The following DIP2C variants were observed in gnomAD, a reference collection of about 807,000 sequenced individuals.
The protein encoded by DIP2C is disco-interacting protein 2 homolog C.
A neutral mutation model predicts 192.4 loss-of-function variants in DIP2C; 33 were observed. That is an observed-to-expected ratio of 0.17 (90% confidence interval 0.13 to 0.23). The LOEUF is 0.23. Among genes scored for constraint, DIP2C ranks in the 10% least tolerant of loss-of-function variants. The pLI, the probability that DIP2C is intolerant of heterozygous loss-of-function variation, is 1.00. For missense variants in DIP2C, 1,537 were observed against 2,110.1 expected, an observed-to-expected ratio of 0.73 and a Z score of 5.32; for synonymous variants, 979 against 864.1, an observed-to-expected ratio of 1.13 and a Z score of -2.33.
At chr10:412,283 A>C (rs980133653) in intron 8 of DIP2C, among the ~76,000 whole-genome samples, 4 of 152,210 alleles carry the variant, frequency 2.6e-5, no homozygotes, top group African/African-American at 9.6e-5. Context: ...AACGTCTATT[A>C]GTTCTCAGAG....
At chr10:525,596 A>T (rs769555170) in intron 1 of DIP2C, among the ~76,000 whole-genome samples, 23 of 152,210 alleles carry the variant, frequency 1.5e-4, no homozygotes, top group Non-Finnish European at 3.2e-4. Context: ...AAGACTTCAG[A>T]ATTTTCCTCA....
intron 31 of DIP2C, among the ~76,000 whole-genome samples, chr10:323,317 C>T (rs78320112): frequency 2.9e-4 from 17 of 59,282 alleles, no homozygotes; most frequent in Admixed American, 6.7e-4. Context: ...GAGAGACCGG[C>T]GCTGTTAGAA....
At chr10:335,850 T>A (rs1191239003) in intron 29 of DIP2C, among the ~76,000 whole-genome samples, 3 of 152,222 alleles carry the variant, frequency 2.0e-5, no homozygotes, top group Non-Finnish European at 4.4e-5. Context: ...TTCATCTGTG[T>A]ATCTGAATAG....
chr10:599,444 T>TA (rs1376739234), intron 1 of DIP2C, among the ~76,000 whole-genome samples: 17 of 152,212 alleles, frequency 1.1e-4, no homozygotes, highest in Non-Finnish European at 1.9e-4. Context: ...ACTGAACCCT[T>TA]ACTAGACCAA....
chr10:463,765 A>C (rs916529984), intron 3 of DIP2C, among the ~76,000 whole-genome samples: 3 of 152,208 alleles, frequency 2.0e-5, no homozygotes, highest in African/African-American at 7.2e-5. Context: ...ACAGTAACCA[A>C]AACAGCATGG....
In DIP2C at chr10:370,129, G is replaced by A. The variant is rs185094992; in HGVS notation, c.1992-496C>T. ...CAATTCAGATGCAGACTGCCTGGGC[G>A]TATGCCCAATTTTATAAGAATCTAA... is the stretch of plus-strand genomic sequence containing the variant. On this transcript the variant is annotated intron_variant, in intron 17 of 36. Coordinates refer to ENST00000280886, the MANE Select transcript of DIP2C (RefSeq NM_014974.3). The A allele has an allele frequency of 3.4e-4, 270 of 787,062 alleles. No homozygotes were observed. The African/African-American group carries it at 4.4e-3, about 13-fold the overall frequency. 48.8% of individuals were successfully genotyped at this position (787,062 alleles called of 1,614,324 possible).
intron 1 of DIP2C, among the ~76,000 whole-genome samples, chr10:589,849 G>A (rs1308595052): frequency 6.6e-6 from 1 of 152,156 alleles, no homozygotes; most frequent in African/African-American, 2.4e-5. Context: ...TTCATTTCAA[G>A]GTAGTTACCA....
chr10:672,214 C>T (rs560831901), intron 1 of DIP2C, among the ~76,000 whole-genome samples: 1 of 151,884 alleles, frequency 6.6e-6, no homozygotes, highest in African/African-American at 2.4e-5. Context: ...ACACCACCGA[C>T]GCAGGGACGG....
chr10:400,701 G>A (rs1161614566), intron 9 of DIP2C, among the ~76,000 whole-genome samples: 45 of 151,438 alleles, frequency 3.0e-4, no homozygotes, highest in Non-Finnish European at 5.2e-4. Context: ...ATCAGCACAT[G>A]AATCCTGTGA....
At chr10:304,640 G>A (rs961654164) in intron 32 of DIP2C, among the ~76,000 whole-genome samples, 1 of 152,072 alleles carries the variant, frequency 6.6e-6, no homozygotes, top group Non-Finnish European at 1.5e-5. Flanking sequence ...GCAATACTAA[G>A]ACTCAGTGTG....
At position 283,400 on chromosome 10, in the gene DIP2C, T is replaced by G; in HGVS notation, c.4166A>C (p.Tyr1389Ser). 6.2e-7 allele frequency: 1 copy of G among 1,614,176 alleles called. No individual in the cohort carries two copies. The highest frequency in any genetic ancestry group is 8.5e-7 in the Non-Finnish European group (1 of 1,180,032). Residue 1389 changes from tyrosine to serine, a missense_variant, in exon 35 of 37, where the codon TAC (tyrosine) becomes TCC (serine). Around this residue, in one of 4 missense-constraint regions of DIP2C, gnomAD observed 341 missense variants for 551.7 expected, o/e 0.62. Transcript: ENST00000280886. ...ATCTGACTGGAGGGATTCGTCTCCG[T>G]AAATAGTGAAATAACCGCTGGCATT... ...AHNASGYFTIYGDESLQSDHF... is the reference protein window; with the variant it reads ...AHNASGYFTISGDESLQSDHF...
intron 4 of DIP2C, among the ~76,000 whole-genome samples, chr10:439,363 ACTCT>A (rs1967537843): frequency 6.6e-6 from 1 of 152,126 alleles, no homozygotes; most frequent in Non-Finnish European, 1.5e-5. Flanking sequence ...CACGGCGTTC[ACTCT>A]CTTGCCCGCT....
chr10:448,736 TCA>T (rs1435188924), intron 3 of DIP2C, among the ~76,000 whole-genome samples: 1 of 141,688 alleles, frequency 7.1e-6, no homozygotes, highest in Non-Finnish European at 1.5e-5. Flanking sequence ...ATACTCATGA[TCA>T]CACACAGTGG....
intron 29 of DIP2C, among the ~76,000 whole-genome samples, chr10:336,180 G>T (rs2132506652): frequency 6.6e-6 from 1 of 152,344 alleles, no homozygotes; most frequent in South Asian, 2.1e-4. Flanking sequence ...ACCAGCCTGG[G>T]CAACATGGCA....
At chr10:622,241 G>A (rs1008902445) in intron 1 of DIP2C, among the ~76,000 whole-genome samples, 1 of 142,596 alleles carries the variant, frequency 7.0e-6, no homozygotes, top group African/African-American at 2.6e-5. Context: ...TCCACCCCTC[G>A]CCCAGGAGAG....
intron 2 of DIP2C, among the ~76,000 whole-genome samples, chr10:475,011 A>C (rs574320410): frequency 6.6e-6 from 1 of 152,244 alleles, no homozygotes; most frequent in South Asian, 2.1e-4. Flanking sequence ...CTCCCCAAGG[A>C]AGGCTTCAAC....
chr10:365,645 G>C (rs748636345), intron 19 of DIP2C, among the ~76,000 whole-genome samples: 1 of 152,210 alleles, frequency 6.6e-6, no homozygotes, highest in Non-Finnish European at 1.5e-5. Flanking sequence ...GACCTACTTG[G>C]TAAAAAGATA....
chr10:616,288 C>T (rs368530722), intron 1 of DIP2C, among the ~76,000 whole-genome samples: 62 of 152,342 alleles, frequency 4.1e-4, no homozygotes, highest in South Asian at 3.9e-3. Context: ...CTCCTATTTA[C>T]GTTACAGACA....
intron 1 of DIP2C, among the ~76,000 whole-genome samples, chr10:605,932 T>G (rs11814657): frequency 0.22 from 32,806 of 152,052 alleles, 6,695 homozygotes; most frequent in African/African-American, 0.54. Context: ...CATTTCCACA[T>G]ATGCATCCTG....
Sources: allele counts gnomAD v4.1 joint callset (sites outside exome capture counted in the v4.1 genomes callset), GRCh38; gene constraint gnomAD v4.1.1; regional missense constraint gnomAD v4.1.1; transcripts MANE v1.5; gene names NCBI Gene and HGNC (gene_info 2026-07-23, HGNC 2026-07-21).